YEATS2: variants seen among roughly 807,000 people sequenced by gnomAD.
YEATS2 encodes the protein YEATS domain containing 2.
In YEATS2, 77 loss-of-function variants were observed where a neutral mutation model predicts 163.2. The observed-to-expected ratio is 0.47, with a 90% confidence interval of 0.39 to 0.57. The LOEUF (loss-of-function observed/expected upper bound fraction) is 0.57. YEATS2 is among the 20% of genes least tolerant of loss of function. YEATS2 has a pLI of 0.00. For synonymous variants in YEATS2, 631 were observed against 645.1 expected, an observed-to-expected ratio of 0.98 and a Z score of 0.33; for missense variants, 1,549 against 1,729.8, an observed-to-expected ratio of 0.90 and a Z score of 1.85.
chr3:183,746,325 A>T (rs1357230755), intron 8 of YEATS2, among the ~76,000 whole-genome samples: 1 of 152,186 alleles, frequency 6.6e-6, no homozygotes, highest in African/African-American at 2.4e-5. Flanking sequence ...AAGTTCTGGG[A>T]CTACAGAAGT....
chr3:183,775,788 G>A (rs550441469), intron 17 of YEATS2, 127 bp from the exon 18 acceptor site: 30 of 1,417,394 alleles, frequency 2.1e-5, no homozygotes, highest in East Asian at 1.4e-4. Flanking sequence ...CAGAAAAGAC[G>A]GAGGAAAATG....
intron 2 of YEATS2, among the ~76,000 whole-genome samples, chr3:183,716,630 A>G (rs1022496086): frequency 2.6e-5 from 4 of 152,208 alleles, no homozygotes; most frequent in Admixed American, 6.5e-5. Context: ...TCATTACCCA[A>G]GAGCTTCACA....
intron 8 of YEATS2, among the ~76,000 whole-genome samples, chr3:183,743,965 A>G (rs879441251): frequency 5.3e-5 from 8 of 152,012 alleles, no homozygotes; most frequent in Non-Finnish European, 1.2e-4. Flanking sequence ...GGCTTAAGTT[A>G]TTTTCCAAAG....
intron 12 of YEATS2, among the ~76,000 whole-genome samples, chr3:183,758,186 A>G (rs1396645041): frequency 6.6e-6 from 1 of 152,102 alleles, no homozygotes; most frequent in African/African-American, 2.4e-5. Flanking sequence ...GGCGAAACCC[A>G]TCTCCACTAA....
chr3:183,706,126 G>A (rs1285264064), intron 1 of YEATS2, among the ~76,000 whole-genome samples: 1 of 152,078 alleles, frequency 6.6e-6, no homozygotes, highest in African/African-American at 2.4e-5. Context: ...AGGGAGAGCT[G>A]TGTTGGATGG....
chr3:183,761,689 C>G (rs1721369851), intron 14 of YEATS2, 75 bp downstream of exon 14: 1 of 1,330,894 alleles, frequency 7.5e-7, no homozygotes, highest in African/African-American at 1.4e-5. Flanking sequence ...TGCCACTACC[C>G]CTACAACATG....
rs543429544 is a variant in YEATS2 at position 183,770,224 on chromosome 3, T to C, written c.1948-2081T>C. Reference sequence around the variant, plus strand: ...TAACACGGTGAAACCCCGTTTCTACTAAAAATACAAAAAATTAGCTGGGCG... The same window carrying C: ...TAACACGGTGAAACCCCGTTTCTACCAAAAATACAAAAAATTAGCTGGGCG... On this transcript the variant is annotated intron_variant, in intron 15 of 30. Transcript: ENST00000305135. 8.6e-5 allele frequency among the ~76,000 whole-genome samples: 13 copies of C among 151,662 alleles called. No individual in the cohort carries two copies. The East Asian group carries it at 2.0e-3, about 23-fold the overall frequency.
Position 183,786,320 on chromosome 3 carries a change from G to A in YEATS2, c.2913+19G>A. ...ACAACAGGTGAGAAATAGCATGTCA[G>A]TAGAGAATCCTAATGAGACATGAAA... On this transcript the variant is annotated intron_variant, in intron 20 of 30. Transcript: ENST00000305135. 1 of 1,592,780 alleles carries A rather than the reference G, an allele frequency of 6.3e-7. No individual in the cohort carries two copies. Among genetic ancestry groups the A allele is most frequent in the Admixed American group, 1.7e-5 (1 of 59,358 alleles).
Position 183,773,643 on chromosome 3 carries a change from G to A in YEATS2, c.2217G>A (p.Thr739=), listed in dbSNP as rs767137799. The change falls in exon 17 of 31, where the codon ACG becomes ACA. Residue 739 remains threonine (T), a synonymous_variant. Transcript: ENST00000305135. The part of the protein sequence containing the change: ...KSGSQGSVMA[T]LQLPATNLAN... ...CCTTTACCATTTTAGTAATGGCAAC[G>A]TTGCAGCTACCAGCCACTAATTTGG... 6.2e-6 allele frequency: 10 copies of A among 1,604,156 alleles called. No homozygotes were observed. Among genetic ancestry groups the A allele is most frequent in the South Asian group, 3.4e-5 (3 of 88,912 alleles).
At chr3:183,796,537 T>C (rs1725171313) in intron 21 of YEATS2, among the ~76,000 whole-genome samples, 2 of 149,772 alleles carry the variant, frequency 1.3e-5, no homozygotes, top group Admixed American at 6.8e-5. Flanking sequence ...TAGGAAACGA[T>C]GAGGTGTGGT....
At chr3:183,712,499 C>T (rs1226127900) in intron 1 of YEATS2, among the ~76,000 whole-genome samples, 1 of 152,036 alleles carries the variant, frequency 6.6e-6, no homozygotes, top group Non-Finnish European at 1.5e-5. Context: ...GCGTGAGTTA[C>T]CGCAGCCAGC....
intron 1 of YEATS2, among the ~76,000 whole-genome samples, chr3:183,712,214 T>TTTATG (rs1715314174): frequency 9.7e-6 from 1 of 103,084 alleles, no homozygotes; most frequent in Non-Finnish European, 2.0e-5. Flanking sequence ...TTTATTTTAT[T>TTTATG]TTATTTTATT....
In YEATS2 at chr3:183,790,976, A is replaced by G. The variant is rs1395888467; in HGVS notation, c.3093A>G (p.Val1031=). 1.9e-6 allele frequency: 3 copies of G among 1,612,938 alleles called. No homozygotes were observed. The highest frequency in any genetic ancestry group is 4.5e-5 in the East Asian group (2 of 44,880). ...TPNPISGKAT[V]SGLLKIHSSQ... ...ACCCCATCTCTGGGAAAGCCACAGT[A>G]TCCGGTGAGTTGCATTGTGATATTA... The change falls in exon 21 of 31, where the codon GTA becomes GTG. Residue 1031 remains valine (V), a synonymous_variant. Coordinates refer to ENST00000305135, the MANE Select transcript of YEATS2 (RefSeq NM_018023.5).
chr3:183,758,555 T>G (rs887946565), intron 12 of YEATS2, among the ~76,000 whole-genome samples: 6 of 152,076 alleles, frequency 3.9e-5, no homozygotes, highest in Non-Finnish European at 5.9e-5. Flanking sequence ...GTATAAGGAG[T>G]AGAATATACG....
In YEATS2 at chr3:183,717,002, C is replaced by T. The variant is rs550431571; in HGVS notation, c.101-649C>T. ...CTGCCTCCCAAGTTCAAGCGATTCT[C>T]CTGCCTCAGCCTCCCAAGTAGCTGG... On this transcript the variant is annotated intron_variant, in intron 2 of 30. Coordinates refer to ENST00000305135, the MANE Select transcript of YEATS2 (RefSeq NM_018023.5). Among the ~76,000 whole-genome samples, 3 of 152,026 alleles carry T rather than the reference C, an allele frequency of 2.0e-5. No homozygotes were observed. The South Asian group carries it at 6.2e-4, about 32-fold the overall frequency.
chr3:183,735,513 T>C (rs1490366365), intron 7 of YEATS2, among the ~76,000 whole-genome samples: 1 of 152,194 alleles, frequency 6.6e-6, no homozygotes, highest in African/African-American at 2.4e-5. Flanking sequence ...TTTCTCTGCT[T>C]TCTAGGCTCC....
rs968314285 is a variant in YEATS2 at position 183,796,019 on chromosome 3, G to A, written c.3098-1904G>A. Among the ~76,000 whole-genome samples the A allele has an allele frequency of 3.1e-4, 40 of 128,394 alleles. No individual in the cohort carries two copies. In the Admixed American group the frequency reaches 3.2e-3, roughly 10 times the overall value. The allele number at this position is 128,394 out of a possible 152,430, so 84.2% of individuals were successfully genotyped here. On this transcript the variant is annotated intron_variant, in intron 21 of 30. Transcript: ENST00000305135. ...TTTTTTGAGACGGAGTTCCGCTCTC[G>A]TTGCCCAGGCTGGAGTGCAATGGCG...
chr3:183,747,324 T>C (rs1190795534), intron 8 of YEATS2, among the ~76,000 whole-genome samples: 2 of 152,224 alleles, frequency 1.3e-5, no homozygotes, highest in Non-Finnish European at 2.9e-5. Flanking sequence ...GTCCATGGTT[T>C]ACTTACACAT....
intron 11 of YEATS2, among the ~76,000 whole-genome samples, chr3:183,755,769 T>TTTTTTTTTTTC (rs1488662340): frequency 9.6e-6 from 1 of 103,848 alleles, no homozygotes; most frequent in African/African-American, 3.4e-5. Context: ...TTTTTTTTTT[T>TTTTTTTTTTTC]TGAGACAGAG....
Sources: allele counts gnomAD v4.1 joint callset (sites outside exome capture counted in the v4.1 genomes callset), GRCh38; gene constraint gnomAD v4.1.1; transcripts MANE v1.5; gene names NCBI Gene and HGNC (gene_info 2026-07-23, HGNC 2026-07-21).